The following NUP188 variants were observed in gnomAD, a reference collection of about 807,000 sequenced individuals.
NUP188 encodes nucleoporin 188.
Under a neutral mutation model 223.0 loss-of-function variants are expected in NUP188, and 97 were observed. The observed-to-expected ratio is 0.43, with a 90% CI of 0.37 to 0.51. The LOEUF is 0.51. NUP188 is among the 20% of genes least tolerant of loss of function. NUP188 has a pLI of 0.00. For synonymous variants in NUP188, 869 were observed against 828.0 expected (o/e 1.05, Z -0.85); for missense variants, 1,947 against 2,175.6 (o/e 0.89, Z 2.09).
chr9:129,005,006 GAGCATGAGGGAAGGAGGGAGAGAAGAGC>G, intron 38 of NUP188, 113 bp from the exon 39 acceptor site: 1 of 677,402 alleles, frequency 1.5e-6, no homozygotes, highest in South Asian at 1.7e-5. Flanking sequence ...GAGAGAAGGG[GAGCATGAGGGAAGGAGGGAGAGAAGAGC>G]AGCAGCGAGT....
At chr9:128,998,343 C>A in intron 31 of NUP188, 115 bp downstream of exon 31, 1 of 1,115,034 alleles carries the variant, frequency 9.0e-7, no homozygotes, top group Non-Finnish European at 1.4e-6. Context: ...ACAGGGCTCA[C>A]GTTGGCCTGG....
Position 129,005,409 on chromosome 9 carries a change from C to T in NUP188, c.4616C>T (p.Thr1539Ile), listed in dbSNP as rs1367284463. Residue 1539 changes from threonine (T) to isoleucine (I), a missense_variant, in exon 40 of 44, where the codon ACA (threonine) becomes ATA (isoleucine). Thr to Ile is a moderately conservative substitution (Grantham distance 89). Around this residue, in one of 3 missense-constraint regions of NUP188, gnomAD observed 905 missense variants for 990.6 expected, o/e 0.91. Transcript: ENST00000372577. ...TCCTCAAAGCAGCCCGCTGCTGACA[C>T]AGAGGCATCAGAGCAGCAGGCCTTG... Reference protein sequence around the residue: ...PSSSKQPAADTEASEQQALHT... With the variant: ...PSSSKQPAADIEASEQQALHT... The T allele has an allele frequency of 6.2e-7, 1 of 1,611,302 alleles. No homozygotes were observed. Among genetic ancestry groups the T allele is most frequent in the Admixed American group, 1.7e-5 (1 of 60,024 alleles).
In NUP188 at chr9:128,956,672, T is replaced by G. The variant is rs1473804092; in HGVS notation, c.246+238T>G. 2.0e-5 allele frequency among the ~76,000 whole-genome samples: 3 copies of G among 152,204 alleles called. No homozygotes were observed. In the East Asian group the frequency reaches 5.8e-4, roughly 29 times the overall value. ...TGGTGGTCTTTAAGGTGACTAAGTT[T>G]GTCATTTTGGAAGCTCACATCATGC... On this transcript the variant is annotated intron_variant, in intron 4 of 43. Transcript: ENST00000372577.
Position 129,005,204 on chromosome 9 carries a change from C to T in NUP188, c.4492C>T (p.Leu1498=), listed in dbSNP as rs763545736. ...CTCTCTCCTGCACAGTCGAAAGATG[C>T]TGCAGCATTACTTACAGGTAAGCGT... ...CTSLLHSRKM[L]QHYLQNKNGD... Residue 1498 remains leucine, a synonymous_variant, in exon 39 of 44, where the codon CTG becomes TTG. Transcript: ENST00000372577. The T allele has an allele frequency of 1.2e-6, 2 of 1,614,092 alleles. No individual in the cohort carries two copies. Among genetic ancestry groups the T allele is most frequent in the South Asian group, 2.2e-5 (2 of 91,090 alleles).
intron 12 of NUP188, among the ~76,000 whole-genome samples, chr9:128,976,358 T>C (rs963921804): frequency 6.6e-6 from 1 of 152,094 alleles, no homozygotes; most frequent in Non-Finnish European, 1.5e-5. Flanking sequence ...AGAAATGAGT[T>C]TGTGTTGAAT....
chr9:128,980,442 T>A (rs1842238829), intron 13 of NUP188, among the ~76,000 whole-genome samples, 164 bp from the exon 14 acceptor site: 1 of 152,222 alleles, frequency 6.6e-6, no homozygotes, highest in African/African-American at 2.4e-5. Flanking sequence ...TTATTTTATA[T>A]CCTTTTTCAG....
rs774786873 is a variant in NUP188, at chr9:128,994,402, C to G, written c.3047C>G (p.Pro1016Arg). 6.2e-7 allele frequency: 1 copy of G among 1,613,258 alleles called. No individual in the cohort carries two copies. The highest frequency in any genetic ancestry group is 8.5e-7 in the Non-Finnish European group (1 of 1,179,402). ...KPKFWENLTS[P>R]LFGTLSPPSE... ...AAGTTTTGGGAAAATTTAACCAGTC[C>G]GCTGTTTGGAACCCTTTCTCCTCCC... The change falls in exon 28 of 44, where the codon CCG (proline) becomes CGG (arginine). Residue 1016 changes from proline (P) to arginine (R), a missense_variant. Around this residue, in one of 3 missense-constraint regions of NUP188, gnomAD observed 905 missense variants for 990.6 expected, o/e 0.91. Transcript: ENST00000372577.
chr9:128,983,421 T>C, intron 18 of NUP188, 41 bp downstream of exon 18: 1 of 1,612,822 alleles, frequency 6.2e-7, no homozygotes. Context: ...AATGTAGCAC[T>C]TGGCACATAC....
In NUP188 at chr9:129,006,699, C is replaced by T. The variant is rs71499434; in HGVS notation, c.*21C>T. On this transcript the variant is annotated 3_prime_UTR_variant, in exon 44 of 44. Coordinates refer to ENST00000372577, the MANE Select transcript of NUP188 (RefSeq NM_015354.3). ...GATAGGGCAGTGCTGTTCTGCCCAC[C>T]TACCCCTCTCCACCAGCCTACACTG... 6.2e-7 allele frequency: 1 copy of T among 1,602,366 alleles called. No individual in the cohort carries two copies. The highest frequency in any genetic ancestry group is 1.1e-5 in the South Asian group (1 of 89,584).
At chr9:128,956,182 G>GGTGTGTGT (rs60109270) in intron 3 of NUP188, among the ~76,000 whole-genome samples, 168 bp from the exon 4 acceptor site, 4 of 134,640 alleles carry the variant, frequency 3.0e-5, no homozygotes, top group South Asian at 2.4e-4. Context: ...GAGGTGAATG[G>GGTGTGTGT]GTGTGTGTGT....
At chr9:129,001,819 C>T in intron 35 of NUP188, 65 bp from the exon 36 acceptor site, 3 of 1,591,944 alleles carry the variant, frequency 1.9e-6, no homozygotes, top group Non-Finnish European at 1.7e-6. Flanking sequence ...AGCCTGAGAG[C>T]CCTACCTACC....
chr9:128,983,258 G>T (rs1189855541), intron 17 of NUP188, 35 bp from the exon 18 acceptor site: 13 of 1,567,660 alleles, frequency 8.3e-6, no homozygotes, highest in African/African-American at 2.7e-5. Flanking sequence ...TGTATTATTT[G>T]CTTTATTGAG....
intron 27 of NUP188, 32 bp from the exon 28 acceptor site, chr9:128,994,341 G>A: frequency 6.6e-7 from 1 of 1,505,312 alleles, no homozygotes; most frequent in South Asian, 1.1e-5. Context: ...GAGGGAAAAA[G>A]TTATGATTTC....
chr9:128,948,630 T>C lies in NUP188; in HGVS notation c.33-559T>C, dbSNP rs117066852. ...TGTCTTCCACATTGCAGCTCGAAGGTCTTCGTTCTTCCCACCACCCTCCCT... is the reference window on the plus strand; with the variant it reads ...TGTCTTCCACATTGCAGCTCGAAGGCCTTCGTTCTTCCCACCACCCTCCCT... On this transcript the variant is annotated intron_variant, in intron 1 of 43. Coordinates refer to ENST00000372577, the MANE Select transcript of NUP188 (RefSeq NM_015354.3). 2.4e-3 allele frequency: 364 copies of C among 151,906 alleles called. 7 individuals carry two copies. The East Asian group carries it at 0.04, about 17-fold the overall frequency. The allele number at this position is 151,906 out of a possible 1,614,324, so 9.4% of individuals were successfully genotyped here. A position where few individuals can be genotyped will look rare whatever the true frequency, so the allele number is the denominator to read the frequency against.
At chr9:128,980,771 T>A in intron 14 of NUP188, 46 bp downstream of exon 14, 2 of 1,597,180 alleles carry the variant, frequency 1.3e-6, no homozygotes, top group Non-Finnish European at 8.6e-7. Flanking sequence ...AGATTCTTTA[T>A]GGAGACTTTA....
chr9:128,973,114 G>T (rs1342830106), intron 11 of NUP188, 46 bp from the exon 12 acceptor site: 3 of 1,219,382 alleles, frequency 2.5e-6, no homozygotes. Context: ...ACCTGGGGAA[G>T]AGTTGTATTA....
rs1026556768 is a variant in NUP188, at chr9:128,998,327, C to G, written c.3429+99C>G. 4 of 1,180,628 alleles carry G rather than the reference C, an allele frequency of 3.4e-6. No homozygotes were observed. In the Admixed American group the frequency reaches 6.8e-5, roughly 20 times the overall value. The allele number at this position is 1,180,628 out of a possible 1,614,324, so 73.1% of individuals were successfully genotyped here. On this transcript the variant is annotated intron_variant, in intron 31 of 43. Coordinates refer to ENST00000372577, the MANE Select transcript of NUP188 (RefSeq NM_015354.3). The stretch of plus-strand genomic sequence containing the variant: ...TCTGCCAGCCAGCCGCACAAATAGT[C>G]AGGTCACAGGGCTCACGTTGGCCTG...
intron 36 of NUP188, among the ~76,000 whole-genome samples, chr9:129,002,474 C>CCT (rs948100751): frequency 1.3e-5 from 2 of 152,164 alleles, no homozygotes; most frequent in South Asian, 4.1e-4. Context: ...TTCACCTGAA[C>CCT]CTCTCTCTCT....
chr9:129,005,992 T>G, intron 41 of NUP188, 58 bp from the exon 42 acceptor site: 1 of 1,581,272 alleles, frequency 6.3e-7, no homozygotes, highest in Middle Eastern at 1.7e-4. Context: ...AGTAGGAAGC[T>G]CTCAGTAAGT....
Sources: allele counts gnomAD v4.1 joint callset (sites outside exome capture counted in the v4.1 genomes callset), GRCh38; gene constraint gnomAD v4.1.1; regional missense constraint gnomAD v4.1.1; transcripts MANE v1.5; gene names NCBI Gene and HGNC (gene_info 2026-07-23, HGNC 2026-07-21).